CABP4: variants seen among roughly 807,000 people sequenced by gnomAD.
CABP4 encodes the protein calcium-binding protein 4.
A neutral mutation model predicts 30.7 loss-of-function variants in CABP4; 30 were observed. The ratio of observed to expected loss-of-function variants is 0.98; its 90% confidence interval spans 0.73 to 1.33. The LOEUF (loss-of-function observed/expected upper bound fraction) is 1.33. Ranked by LOEUF, CABP4 falls within the 40% of genes most tolerant of loss-of-function variation. The pLI, the probability that CABP4 is intolerant of heterozygous loss-of-function variation, is 0.00. For synonymous variants in CABP4, 161 were observed against 159.2 expected, an observed-to-expected ratio of 1.01 and a Z score of -0.08; for missense variants, 424 against 395.5, an observed-to-expected ratio of 1.07 and a Z score of -0.61.
intron 3 of CABP4, among the ~76,000 whole-genome samples, chr11:67,457,124 G>A (rs949679403): frequency 6.6e-6 from 1 of 152,174 alleles, no homozygotes; most frequent in Non-Finnish European, 1.5e-5. Context: ...AGTGACTGAT[G>A]GCATCTTAGA....
chr11:67,459,638 G>A lies in CABP4; in HGVS notation c.*979G>A, dbSNP rs1864949805. On this transcript the variant is annotated 3_prime_UTR_variant, in exon 6 of 6. Transcript: ENST00000325656. ...GAAAAAAACCCTGCCGCTCCCAAAG[G>A]GGAACTTGTGATAAAAATTACAGAT... 6.6e-6 allele frequency: 1 copy of A among 152,204 alleles called. No individual in the cohort carries two copies. The highest frequency in any genetic ancestry group is 6.5e-5 in the Admixed American group (1 of 15,276). 9.4% of individuals were successfully genotyped at this position (152,204 alleles called of 1,614,324 possible).
upstream of CABP4, among the ~76,000 whole-genome samples, chr11:67,454,818 A>AC (rs901676158): frequency 1.7e-4 from 26 of 150,460 alleles, no homozygotes; most frequent in African/African-American, 6.1e-4. Context: ...CTCCCACATC[A>AC]CCCCCCGTGC....
upstream of CABP4, chr11:67,452,427 C>T: frequency 3.7e-6 from 6 of 1,612,642 alleles, no homozygotes; most frequent in South Asian, 1.1e-5. Context: ...GCAGCTGTCC[C>T]CAGCGGCCAG....
intron 3 of CABP4, 143 bp from the exon 4 acceptor site, chr11:67,457,430 C>G: frequency 1.4e-6 from 1 of 729,972 alleles, no homozygotes; most frequent in African/African-American, 1.7e-5. Flanking sequence ...GGGTTCCAGC[C>G]TCCTATCTGC....
In CABP4 at chr11:67,458,753, G is replaced by T; in HGVS notation, c.*94G>T. 6.7e-7 allele frequency: 1 copy of T among 1,486,562 alleles called. No homozygotes were observed. Among genetic ancestry groups the T allele is most frequent in the Non-Finnish European group, 9.3e-7 (1 of 1,073,466 alleles). 92.1% of individuals were successfully genotyped at this position (1,486,562 alleles called of 1,614,324 possible). ...CCCCAGGAGCCTCCAGGATGGAGAT[G>T]GAGACCCAGCAGCCCCCAGACTACT... is the stretch of plus-strand genomic sequence containing the variant. On this transcript the variant is annotated 3_prime_UTR_variant, in exon 6 of 6. Transcript: ENST00000325656.
At chr11:67,455,914 G>A in intron 1 of CABP4, 125 bp downstream of exon 1, 2 of 1,361,286 alleles carry the variant, frequency 1.5e-6, no homozygotes, top group Non-Finnish European at 9.9e-7. Context: ...AGCCTGGGCT[G>A]TGGGGCAGGG....
chr11:67,454,995 T>C (rs1864708527), upstream of CABP4, among the ~76,000 whole-genome samples: 1 of 152,228 alleles, frequency 6.6e-6, no homozygotes, highest in Non-Finnish European at 1.5e-5. Context: ...CTGAGATGCC[T>C]TCCCTGGTCC....
At chr11:67,454,211 G>A (rs1330923532), upstream of CABP4, among the ~76,000 whole-genome samples, 2 of 152,152 alleles carry the variant, frequency 1.3e-5, no homozygotes, top group African/African-American at 4.8e-5. Flanking sequence ...GAGGCCTGCA[G>A]CCCCACCTCG....
intron 1 of CABP4, 96 bp from the exon 2 acceptor site, chr11:67,456,092 T>A (rs757988653): frequency 2.4e-5 from 39 of 1,610,240 alleles, no homozygotes; most frequent in Non-Finnish European, 3.2e-5. Context: ...CTGATGGGGC[T>A]GGGCCCTGCC....
At position 67,457,645 on chromosome 11, in the gene CABP4, T is replaced by G. The variant is rs1038691478; in HGVS notation, c.614T>G (p.Met205Arg). Residue 205 changes from methionine to arginine, a missense_variant, in exon 4 of 6, where the codon ATG becomes AGG. Coordinates refer to ENST00000325656, the MANE Select transcript of CABP4 (RefSeq NM_145200.5). ...AAGCTGAGGGAGGAGACGGCGCACA[T>G]GCTGGGGGTGCGAGAGCTGCGCATC... ...GPKLREETAH[M>R]LGVRELRIAF... 1.0e-5 allele frequency: 16 copies of G among 1,603,566 alleles called. No homozygotes were observed. The highest frequency in any genetic ancestry group is 1.3e-5 in the African/African-American group (1 of 74,882).
At chr11:67,457,706 A>G (rs1025537529) in intron 4 of CABP4, 24 bp downstream of exon 4, 2 of 1,542,264 alleles carry the variant, frequency 1.3e-6, no homozygotes, top group Non-Finnish European at 1.8e-6. Context: ...TGAGGTGGGC[A>G]GAGGGGGGCA....
At chr11:67,452,422 T>C, upstream of CABP4, 2 of 1,612,616 alleles carry the variant, frequency 1.2e-6, no homozygotes, top group Non-Finnish European at 1.7e-6. Flanking sequence ...GGCAGGCAGC[T>C]GTCCCCAGCG....
intron 3 of CABP4, 53 bp downstream of exon 3, chr11:67,456,495 G>A (rs1457614716): frequency 3.1e-5 from 49 of 1,596,508 alleles, no homozygotes; most frequent in Non-Finnish European, 3.7e-5. Context: ...AGGGGGTCAC[G>A]AGGGGCTGGC....
upstream of CABP4, chr11:67,452,470 G>A: frequency 5.6e-6 from 9 of 1,611,928 alleles, no homozygotes; most frequent in Non-Finnish European, 6.8e-6. Context: ...GGATCTGGAA[G>A]GCCGCTGCTG....
chr11:67,455,300 C>T (rs1392158497), upstream of CABP4: 24 of 1,350,642 alleles, frequency 1.8e-5, no homozygotes, highest in South Asian at 1.5e-4. Context: ...TTACCCTAAT[C>T]CCCCTCAGAG....
chr11:67,454,921 C>G (rs959138425), upstream of CABP4, among the ~76,000 whole-genome samples: 1 of 152,196 alleles, frequency 6.6e-6, no homozygotes, highest in Non-Finnish European at 1.5e-5. Context: ...CATGGGGGGG[C>G]CCCAGTAGGC....
chr11:67,458,057 G>A (rs1165479844), intron 4 of CABP4, among the ~76,000 whole-genome samples: 17 of 152,168 alleles, frequency 1.1e-4, no homozygotes, highest in Admixed American at 1.1e-3. Flanking sequence ...TCAGGAGTTT[G>A]AGGTCAGCCT....
Position 67,455,742 on chromosome 11 carries a change from G to A in CABP4, c.319G>A (p.Ala107Thr), listed in dbSNP as rs1451864097. The A allele has an allele frequency of 1.2e-6, 2 of 1,600,256 alleles. No individual in the cohort carries two copies. The highest frequency in any genetic ancestry group is 1.7e-6 in the Non-Finnish European group (2 of 1,174,672). The change falls in exon 1 of 6, where the codon GCT becomes ACT. Residue 107 changes from alanine to threonine, a missense_variant. Physicochemically the swap from Ala to Thr is moderately conservative, Grantham distance 58 (BLOSUM62 0). Transcript: ENST00000325656. Reference sequence around the variant, plus strand: ...ACATCGTCCTGACTCCCTGCACGACGCTGCTCAGAGGACATACGGGCCCCT... The same window carrying A: ...ACATCGTCCTGACTCCCTGCACGACACTGCTCAGAGGACATACGGGCCCCT... ...HRHRPDSLHD[A>T]AQRTYGPLLN... is the part of the protein sequence containing the mutation.
intron 4 of CABP4, 29 bp downstream of exon 4, chr11:67,457,711 G>C: frequency 6.5e-7 from 1 of 1,534,946 alleles, no homozygotes; most frequent in Non-Finnish European, 8.8e-7. Flanking sequence ...TGGGCAGAGG[G>C]GGGCAGGGCT....
Sources: allele counts gnomAD v4.1 joint callset (sites outside exome capture counted in the v4.1 genomes callset), GRCh38; gene constraint gnomAD v4.1.1; transcripts MANE v1.5; gene names NCBI Gene and HGNC (gene_info 2026-07-23, HGNC 2026-07-21).